The following ARHGEF10 variants were observed in gnomAD, a reference collection of about 807,000 sequenced individuals.
The protein encoded by ARHGEF10 is Rho guanine nucleotide exchange factor 10, also known as Rho guanine nucleotide exchange factor (GEF) 10.
In ARHGEF10, 140 loss-of-function variants were observed where a neutral mutation model predicts 147.4. The ratio of observed to expected loss-of-function variants is 0.95; its 90% CI spans 0.83 to 1.09. ARHGEF10 has a LOEUF of 1.09. Ranked by LOEUF, ARHGEF10 falls within the 50% of genes least tolerant of loss-of-function variation. The pLI is 0.00. For synonymous variants in ARHGEF10, 902 were observed against 695.8 expected (o/e 1.30, Z -4.67); for missense variants, 2,222 against 1,752.7 (o/e 1.27, Z -4.78).
intron 18 of ARHGEF10, among the ~76,000 whole-genome samples, chr8:1,912,359 G>A (rs1156340116): frequency 2.6e-5 from 4 of 152,016 alleles, no homozygotes; most frequent in South Asian, 2.1e-4. Context: ...GAAGCTCGCC[G>A]TCCCTGCAAA....
intron 1 of ARHGEF10, 126 bp from the exon 2 acceptor site, chr8:1,843,227 C>G: frequency 1.4e-6 from 1 of 703,008 alleles, no homozygotes; most frequent in Admixed American, 2.1e-5. Flanking sequence ...GGTGAGTCTT[C>G]TAATTATGGC....
intron 2 of ARHGEF10, among the ~76,000 whole-genome samples, chr8:1,853,543 G>T (rs956418525): frequency 6.6e-6 from 1 of 152,262 alleles, no homozygotes; most frequent in African/African-American, 2.4e-5. Context: ...GCTGGGTTCT[G>T]AAGCTGGGGT....
rs377296459 is a variant in ARHGEF10, at chr8:1,923,290, A to G, written c.2260-178A>G. 2.1e-5 allele frequency: 22 copies of G among 1,027,126 alleles called. No homozygotes were observed. The South Asian group carries it at 2.6e-4, about 12-fold the overall frequency. 63.6% of individuals were successfully genotyped at this position (1,027,126 alleles called of 1,614,324 possible). On this transcript the variant is annotated intron_variant, in intron 19 of 28. Transcript: ENST00000349830. Reference sequence around the variant, plus strand: ...GCAAATAGGGTTTAATATCAGTTCTATCTTAGAAATGTCTCAGCCCCCCAC... The same window carrying G: ...GCAAATAGGGTTTAATATCAGTTCTGTCTTAGAAATGTCTCAGCCCCCCAC...
At position 1,854,098 on chromosome 8, in the gene ARHGEF10, T is replaced by C. The variant is rs985538421; in HGVS notation, c.38-3862T>C. On this transcript the variant is annotated intron_variant, in intron 2 of 28. Coordinates refer to ENST00000349830, the MANE Select transcript of ARHGEF10 (RefSeq NM_014629.4). ...CTGGGATTTTTAAAGGCATTCTGCA[T>C]TGCACTTCACTAAGGGACCTGGGGA... Among the ~76,000 whole-genome samples the C allele has an allele frequency of 3.9e-5, 6 of 152,326 alleles. No homozygotes were observed. In the East Asian group the frequency reaches 5.8e-4, roughly 15 times the overall value.
rs1243983522 is a variant in ARHGEF10, at chr8:1,945,347, C to T, written c.3223-134C>T. ...GCTGGTGTTTGGTTGCTGGAGACGC[C>T]TGTGATTTGGAGCAAAGCCTGCTAC... On this transcript the variant is annotated intron_variant, in intron 26 of 28. Coordinates refer to ENST00000349830, the MANE Select transcript of ARHGEF10 (RefSeq NM_014629.4). 7 of 1,106,110 alleles carry T rather than the reference C, an allele frequency of 6.3e-6. No homozygotes were observed. In the African/African-American group the frequency reaches 9.3e-5, roughly 15 times the overall value. 68.5% of individuals were successfully genotyped at this position (1,106,110 alleles called of 1,614,324 possible).
intron 26 of ARHGEF10, among the ~76,000 whole-genome samples, chr8:1,939,374 G>A (rs1340584510): frequency 6.6e-6 from 1 of 152,256 alleles, no homozygotes; most frequent in Non-Finnish European, 1.5e-5. Context: ...ACCACAGATG[G>A]TTAAGACATT....
Position 1,894,546 on chromosome 8 carries a change from A to G in ARHGEF10, c.1414A>G (p.Met472Val). ...SRVSEWDSVE[M>V]IGDVFVASFS... The stretch of plus-strand genomic sequence containing the variant: ...CGTTTCCGAGTGGGACTCCGTGGAA[A>G]TGATAGGCGATGTCTTCGTGGCTTC... Residue 472 changes from methionine (M) to valine (V), a missense_variant, in exon 13 of 29, where the codon ATG (methionine) becomes GTG (valine). Physicochemically the swap from Met to Val is conservative, Grantham distance 21 (BLOSUM62 1). Coordinates refer to ENST00000349830, the MANE Select transcript of ARHGEF10 (RefSeq NM_014629.4). 2 of 1,614,170 alleles carry G rather than the reference A, an allele frequency of 1.2e-6. No individual in the cohort carries two copies. The highest frequency in any genetic ancestry group is 1.7e-6 in the Non-Finnish European group (2 of 1,180,020).
chr8:1,952,639 C>G, intron 27 of ARHGEF10, 66 bp from the exon 28 acceptor site: 2 of 1,602,268 alleles, frequency 1.2e-6, no homozygotes, highest in Admixed American at 1.7e-5. Context: ...TTCCAGCACC[C>G]CGTCACCGCC....
intron 7 of ARHGEF10, among the ~76,000 whole-genome samples, chr8:1,875,430 C>T (rs1309593919): frequency 6.6e-6 from 1 of 152,132 alleles, no homozygotes; most frequent in African/African-American, 2.4e-5. Context: ...TGTGGGTGAG[C>T]TCTCAGGATG....
chr8:1,940,571 A>G (rs11992779), intron 26 of ARHGEF10, among the ~76,000 whole-genome samples: 1 of 152,230 alleles, frequency 6.6e-6, no homozygotes, highest in Non-Finnish European at 1.5e-5. Context: ...AAAAGAATTA[A>G]CAGTACTCTT....
At chr8:1,858,254 C>G in intron 3 of ARHGEF10, 139 bp downstream of exon 3, 1 of 738,702 alleles carries the variant, frequency 1.4e-6, no homozygotes, top group Non-Finnish European at 2.2e-6. Flanking sequence ...CCAGGTGAGT[C>G]CCCTGGGGGG....
intron 18 of ARHGEF10, among the ~76,000 whole-genome samples, chr8:1,916,769 T>G (rs1249696816): frequency 6.6e-6 from 1 of 152,224 alleles, no homozygotes; most frequent in Non-Finnish European, 1.5e-5. Flanking sequence ...AAAATTACCC[T>G]CTTTCTCCTG....
At chr8:1,931,636 C>T (rs1316760367) in intron 25 of ARHGEF10, among the ~76,000 whole-genome samples, 2 of 152,206 alleles carry the variant, frequency 1.3e-5, no homozygotes, top group South Asian at 4.1e-4. Flanking sequence ...TGGCTGGAGG[C>T]CTCGGCCCGG....
chr8:1,948,857 G>A lies in ARHGEF10; in HGVS notation c.3397+3202G>A, dbSNP rs548798597. Reference sequence around the variant, plus strand: ...ATGCTCATACCGTGCTGAAGTGCGCGGATGCTGAGGTCGCCGGGCCGTCAC... The same window carrying A: ...ATGCTCATACCGTGCTGAAGTGCGCAGATGCTGAGGTCGCCGGGCCGTCAC... On this transcript the variant is annotated intron_variant, in intron 27 of 28. Transcript: ENST00000349830. The surrounding 1 kb of genome is among the most constrained non-coding windows in gnomAD (Gnocchi z 4.9). Among the ~76,000 whole-genome samples the A allele has an allele frequency of 5.9e-5, 9 of 152,292 alleles. No homozygotes were observed. Among genetic ancestry groups the A allele is most frequent in the Non-Finnish European group, 7.4e-5 (5 of 68,026 alleles).
chr8:1,941,498 G>C (rs1344435886), intron 26 of ARHGEF10, among the ~76,000 whole-genome samples: 2 of 151,978 alleles, frequency 1.3e-5, no homozygotes, highest in African/African-American at 4.8e-5. Context: ...TTCATAGATT[G>C]GAAGATGTAC....
Position 1,880,099 on chromosome 8 carries a change from G to A in ARHGEF10, c.895G>A (p.Asp299Asn), listed in dbSNP as rs766341017. ...GGAGCACTATGAGAAAAAGATGAGAGATTTGATGGCAAGCACGGTGGGCGT... is the reference window on the plus strand; with the variant it reads ...GGAGCACTATGAGAAAAAGATGAGAAATTTGATGGCAAGCACGGTGGGCGT... Reference protein sequence around the residue: ...LKEHYEKKMRDLMASTVGVVE... With the variant: ...LKEHYEKKMRNLMASTVGVVE... The change falls in exon 9 of 29, where the codon GAT (aspartate) becomes AAT (asparagine). Residue 299 changes from aspartate (D) to asparagine (N), a missense_variant. Coordinates refer to ENST00000349830, the MANE Select transcript of ARHGEF10 (RefSeq NM_014629.4). 6.2e-7 allele frequency: 1 copy of A among 1,614,184 alleles called. No individual in the cohort carries two copies. Among genetic ancestry groups the A allele is most frequent in the Non-Finnish European group, 8.5e-7 (1 of 1,180,012 alleles).
rs1353993833 is a variant in ARHGEF10 at position 1,860,126 on chromosome 8, C to G, written c.423C>G (p.Leu141=). 2 of 1,614,096 alleles carry G rather than the reference C, an allele frequency of 1.2e-6. No homozygotes were observed. Among genetic ancestry groups the G allele is most frequent in the Non-Finnish European group, 1.7e-6 (2 of 1,180,010 alleles). Residue 141 remains leucine, a synonymous_variant, in exon 4 of 29, where the codon CTC becomes CTG. Coordinates refer to ENST00000349830, the MANE Select transcript of ARHGEF10 (RefSeq NM_014629.4). ...CGYAVPSNLP[L]LLPAYSSPVI... is the part of the protein sequence containing the mutation. ...ATGCGGTGCCCTCCAACCTGCCCCT[C>G]CTGCTGCCCGCCTACTCCAGCCCGG...
chr8:1,953,787 A>C (rs1483852025), intron 28 of ARHGEF10, among the ~76,000 whole-genome samples: 2 of 152,164 alleles, frequency 1.3e-5, no homozygotes, highest in Non-Finnish European at 2.9e-5. Flanking sequence ...CGTCCTGTTA[A>C]GTTCAGTAAA....
intron 26 of ARHGEF10, among the ~76,000 whole-genome samples, chr8:1,936,943 G>C (rs780427691): frequency 6.6e-6 from 1 of 152,260 alleles, no homozygotes; most frequent in South Asian, 2.1e-4. Flanking sequence ...ACGTGGGTTT[G>C]GTTAGGAATG....
Sources: gnomAD v4.1 joint callset for allele counts (sites outside exome capture counted in the v4.1 genomes callset) on GRCh38, gnomAD v4.1.1 for gene constraint, Gnocchi (gnomAD v3.1) non-coding constraint, MANE v1.5 for transcripts, NCBI Gene and HGNC (gene_info 2026-07-23, HGNC 2026-07-21) for gene names.